The following ABLIM1 variants were observed in gnomAD, a reference collection of about 807,000 sequenced individuals.
ABLIM1 encodes the protein actin-binding LIM protein 1.
A neutral mutation model predicts 107.0 loss-of-function variants in ABLIM1; 40 were observed. The observed-to-expected ratio is 0.37, with a 90% CI of 0.29 to 0.49. The LOEUF is 0.49. Ranked by LOEUF, ABLIM1 falls within the 20% of genes least tolerant of loss-of-function variation. ABLIM1 has a pLI of 0.97. For synonymous variants in ABLIM1, 357 were observed against 357.3 expected (o/e 1.00, Z 0.01); for missense variants, 857 against 1,008.5 (o/e 0.85, Z 2.04).
At chr10:114,543,837 G>A (rs143599190) in intron 6 of ABLIM1, among the ~76,000 whole-genome samples, 140 of 152,264 alleles carry the variant, frequency 9.2e-4, no homozygotes, top group African/African-American at 3.1e-3. Flanking sequence ...TGCAGGTATT[G>A]CTCCCTCTTC....
intron 1 of ABLIM1, among the ~76,000 whole-genome samples, chr10:114,764,223 T>TA (rs2082825616): frequency 6.6e-6 from 1 of 152,230 alleles, no homozygotes; most frequent in East Asian, 1.9e-4. Flanking sequence ...TATCCTAAAA[T>TA]ACCACAAGAT....
Position 114,644,539 on chromosome 10 carries a change from C to T in ABLIM1, c.244+13418G>A, listed in dbSNP as rs117644385. Among the ~76,000 whole-genome samples the T allele has an allele frequency of 8.5e-4, 129 of 151,774 alleles. 2 individuals carry two copies. The East Asian group carries it at 0.022, about 26-fold the overall frequency. On this transcript the variant is annotated intron_variant, in intron 1 of 22. Transcript: ENST00000533213. The stretch of plus-strand genomic sequence containing the variant: ...GACGGACCTTGTCGCATTCATTGCT[C>T]GTCTGTCCCTGCTCTACCCATCTTG...
chr10:114,686,013 G>T (rs1165960855), upstream of ABLIM1, among the ~76,000 whole-genome samples: 2 of 152,166 alleles, frequency 1.3e-5, no homozygotes, highest in African/African-American at 2.4e-5. Flanking sequence ...CTAAAATAGG[G>T]TGCTAGTTTA....
intron 1 of ABLIM1, among the ~76,000 whole-genome samples, chr10:114,603,833 A>G (rs776941530): frequency 7.3e-5 from 11 of 151,598 alleles, no homozygotes; most frequent in Non-Finnish European, 1.5e-4. Context: ...CGTGCCTGTA[A>G]TCCCAGCTAC....
chr10:114,778,568 G>GACACACACACACAC, the ABLIM1 span: 2 of 131,424 alleles, frequency 1.5e-5, no homozygotes, highest in East Asian at 4.8e-4. Flanking sequence ...TCATCATCCA[G>GACACACACACACAC]ACACACACAC....
chr10:114,690,521 GC>G, intron 1 of ABLIM1: 1 of 1,431,930 alleles, frequency 7.0e-7, no homozygotes, highest in East Asian at 2.3e-5. Context: ...TCTCTCCCAT[GC>G]CCAGAACACG....
intron 6 of ABLIM1, among the ~76,000 whole-genome samples, chr10:114,542,600 G>A (rs1027065685): frequency 4.0e-5 from 6 of 150,646 alleles, no homozygotes; most frequent in African/African-American, 1.5e-4. Context: ...GAAGGAGGAA[G>A]AAGAAGAAAA....
intron 1 of ABLIM1, among the ~76,000 whole-genome samples, chr10:114,733,789 A>G (rs1388927044): frequency 6.6e-6 from 1 of 152,118 alleles, no homozygotes; most frequent in Non-Finnish European, 1.5e-5. Flanking sequence ...TGTTTCTGGC[A>G]TTTCATTCTT....
chr10:114,536,989 A>G (rs2066111048), intron 6 of ABLIM1, among the ~76,000 whole-genome samples: 1 of 152,186 alleles, frequency 6.6e-6, no homozygotes, highest in Non-Finnish European at 1.5e-5. Flanking sequence ...GACATTTTAC[A>G]CTGGTAAAAA....
chr10:114,629,705 A>G lies in ABLIM1; in HGVS notation c.245-27744T>C, dbSNP rs372278459. ...CTGTGTGACCTTCAGCAACCTACTT[A>G]CCCTTTCTGATCCCCAGTTTTCTCA... On this transcript the variant is annotated intron_variant, in intron 1 of 22. Transcript: ENST00000533213. This position sits in a 1 kb window ranked among gnomAD's most constrained non-coding sequence, Gnocchi z 4.0. Among the ~76,000 whole-genome samples the G allele has an allele frequency of 1.3e-5, 2 of 152,112 alleles. No individual in the cohort carries two copies. The highest frequency in any genetic ancestry group is 6.5e-5 in the Admixed American group (1 of 15,274).
At chr10:114,491,012 G>GTGTGTATATATA in intron 7 of ABLIM1, among the ~76,000 whole-genome samples, 310 of 92,358 alleles carry the variant, frequency 3.4e-3, no homozygotes, top group African/African-American at 9.5e-3. Flanking sequence ...GTGTGTGTGT[G>GTGTGTATATATA]TATATATATA....
intron 1 of ABLIM1, among the ~76,000 whole-genome samples, chr10:114,714,062 C>T (rs1050274356): frequency 5.3e-5 from 8 of 152,214 alleles, no homozygotes; most frequent in Non-Finnish European, 1.2e-4. Flanking sequence ...ATAATCAGTC[C>T]TCCCAAATAT....
At chr10:114,657,326 G>A (rs1330276044) in intron 1 of ABLIM1, among the ~76,000 whole-genome samples, 1 of 152,066 alleles carries the variant, frequency 6.6e-6, no homozygotes, top group Non-Finnish European at 1.5e-5. Flanking sequence ...CATTAACAAA[G>A]GCACCATGAT....
At chr10:114,555,772 C>G (rs1263862116) in intron 4 of ABLIM1, among the ~76,000 whole-genome samples, 2 of 152,058 alleles carry the variant, frequency 1.3e-5, no homozygotes, top group African/African-American at 4.8e-5. Context: ...TTTAAAAAAT[C>G]AATTTTCAGT....
At chr10:114,465,610 A>T in intron 12 of ABLIM1, 88 bp downstream of exon 12, 1 of 1,502,966 alleles carries the variant, frequency 6.7e-7, no homozygotes, top group South Asian at 1.3e-5. Context: ...TTAGTCGTTG[A>T]TTTTTCAATG....
the ABLIM1 span, among the ~76,000 whole-genome samples, chr10:114,801,183 G>A: frequency 7.9e-5 from 12 of 152,128 alleles, no homozygotes; most frequent in Admixed American, 7.2e-4. Context: ...GGAAGCTGAG[G>A]CGGGAGGATC....
At chr10:114,610,398 TC>T (rs771853709) in intron 1 of ABLIM1, among the ~76,000 whole-genome samples, 16 of 152,040 alleles carry the variant, frequency 1.1e-4, no homozygotes, top group Non-Finnish European at 2.2e-4. Context: ...AAGACAGGAG[TC>T]CTATTCTCAT....
chr10:114,733,000 A>C (rs553626439), intron 1 of ABLIM1, among the ~76,000 whole-genome samples: 1 of 152,340 alleles, frequency 6.6e-6, no homozygotes, highest in Non-Finnish European at 1.5e-5. Flanking sequence ...TAAATATAAT[A>C]ATTAAGAATG....
chr10:114,673,999 G>A (rs1345850841), intron 1 of ABLIM1, among the ~76,000 whole-genome samples: 1 of 152,060 alleles, frequency 6.6e-6, no homozygotes, highest in Non-Finnish European at 1.5e-5. Context: ...GTTTAAGAGG[G>A]ACCATCTGGT....
Sources: allele counts gnomAD v4.1 joint callset (sites outside exome capture counted in the v4.1 genomes callset), GRCh38; gene constraint gnomAD v4.1.1; non-coding constraint Gnocchi (gnomAD v3.1); transcripts MANE v1.5; gene names NCBI Gene and HGNC (gene_info 2026-07-23, HGNC 2026-07-21).